Variants in SORCS3 observed in about 807,000 individuals in gnomAD.
SORCS3 encodes the protein sortilin related VPS10 domain containing receptor 3, also known as VPS10 domain-containing receptor SorCS3.
In SORCS3, 57 loss-of-function variants were observed where a neutral mutation model predicts 146.3. The ratio of observed to expected loss-of-function variants is 0.39; its 90% CI spans 0.31 to 0.49. SORCS3 has a LOEUF of 0.49. Among genes scored for constraint, SORCS3 ranks in the 20% least tolerant of loss-of-function variants. SORCS3 has a pLI of 0.92. For missense variants in SORCS3, 1,341 were observed against 1,575.5 expected, an observed-to-expected ratio of 0.85 and a Z score of 2.52; for synonymous variants, 653 against 618.5, an observed-to-expected ratio of 1.06 and a Z score of -0.83.
chr10:105,110,476 T>A (rs1173368392), intron 7 of SORCS3, among the ~76,000 whole-genome samples: 1 of 152,172 alleles, frequency 6.6e-6, no homozygotes, highest in Non-Finnish European at 1.5e-5. Flanking sequence ...GTTTAACTAT[T>A]GCTTATTTTT....
At chr10:104,926,143 G>A (rs147290149) in intron 3 of SORCS3, among the ~76,000 whole-genome samples, 1 of 152,314 alleles carries the variant, frequency 6.6e-6, no homozygotes, top group Non-Finnish European at 1.5e-5. Flanking sequence ...TGGAGAGGAT[G>A]CAGCTCCCAG....
chr10:105,256,013 C>T lies in SORCS3; in HGVS notation c.3337+212C>T, dbSNP rs547324864. On this transcript the variant is annotated intron_variant, in intron 24 of 26. Coordinates refer to ENST00000369701, the MANE Select transcript of SORCS3 (RefSeq NM_014978.3). ...AAGACTTTCTTAGGAGTAGCTTTGC[C>T]ATTGAATCCCTAGACGGTCTCGGAG... Among the ~76,000 whole-genome samples the T allele has an allele frequency of 2.6e-5, 4 of 152,290 alleles. No homozygotes were observed. The East Asian group carries it at 7.7e-4, about 29-fold the overall frequency.
At chr10:105,081,262 A>T (rs924373358) in intron 5 of SORCS3, among the ~76,000 whole-genome samples, 2 of 152,100 alleles carry the variant, frequency 1.3e-5, no homozygotes, top group Admixed American at 1.3e-4. Context: ...TTCCTGGGGA[A>T]GTTTTTGCCC....
intron 1 of SORCS3, among the ~76,000 whole-genome samples, chr10:104,783,777 G>C (rs1448911959): frequency 6.6e-6 from 1 of 152,128 alleles, no homozygotes; most frequent in African/African-American, 2.4e-5. Flanking sequence ...GAAGTTGGAG[G>C]CTCAAAGATG....
At chr10:104,649,286 G>A (rs1468481385) in intron 1 of SORCS3, among the ~76,000 whole-genome samples, 1 of 152,100 alleles carries the variant, frequency 6.6e-6, no homozygotes, top group African/African-American at 2.4e-5. Context: ...TGTGACATTG[G>A]GCAAGTTGTT....
In SORCS3 at chr10:105,071,978, TG is replaced by T. The variant is rs374955403; in HGVS notation, c.1029-17794del. On this transcript the variant is annotated intron_variant, in intron 5 of 26. Transcript: ENST00000369701. ...ATAGCCCTTGAAGATGCAAGGTTCC[TG>T]GGTCTCTTGGTGTAAAGACTGAGAA... 3.7e-4 allele frequency among the ~76,000 whole-genome samples: 56 copies of T among 152,332 alleles called. No homozygotes were observed. The South Asian group carries it at 9.3e-3, about 25-fold the overall frequency.
chr10:104,930,140 AT>A (rs2019192291), intron 3 of SORCS3, among the ~76,000 whole-genome samples: 1 of 152,190 alleles, frequency 6.6e-6, no homozygotes, highest in South Asian at 2.1e-4. Flanking sequence ...TAATAAAAAA[AT>A]CAACCAGAAA....
chr10:105,169,696 C>A (rs1482702002), intron 13 of SORCS3, among the ~76,000 whole-genome samples: 1 of 152,104 alleles, frequency 6.6e-6, no homozygotes, highest in East Asian at 1.9e-4. Flanking sequence ...GTAATTTTTT[C>A]TGCTAACAAA....
intron 4 of SORCS3, among the ~76,000 whole-genome samples, chr10:104,988,825 A>T (rs2054976950): frequency 6.6e-6 from 1 of 152,242 alleles, no homozygotes; most frequent in Non-Finnish European, 1.5e-5. Context: ...AAACTCAAGC[A>T]ATATGCAAAT....
chr10:104,686,681 A>G (rs2133270119), intron 1 of SORCS3, among the ~76,000 whole-genome samples: 1 of 151,870 alleles, frequency 6.6e-6, no homozygotes, highest in African/African-American at 2.4e-5. Flanking sequence ...TCCAGTACCC[A>G]TCCTTCCCTC....
rs1226859353 is a variant in SORCS3, at chr10:105,216,922, A to G, written c.2548-14A>G. ...GACCAAGTAAATTGACCCGTCTGCTATGCCATCTTGCAGGGTGATCTACAA... is the reference window on the plus strand; with the variant it reads ...GACCAAGTAAATTGACCCGTCTGCTGTGCCATCTTGCAGGGTGATCTACAA... On this transcript the variant is annotated splice_polypyrimidine_tract_variant and intron_variant, in intron 18 of 26. Coordinates refer to ENST00000369701, the MANE Select transcript of SORCS3 (RefSeq NM_014978.3). The G allele has an allele frequency of 1.9e-6, 3 of 1,614,016 alleles. No individual in the cohort carries two copies. The highest frequency in any genetic ancestry group is 2.2e-5 in the East Asian group (1 of 44,872).
intron 4 of SORCS3, among the ~76,000 whole-genome samples, chr10:104,978,714 T>A (rs2133651841): frequency 6.6e-6 from 1 of 152,310 alleles, no homozygotes; most frequent in African/African-American, 2.4e-5. Context: ...CAAATATAAG[T>A]TTTGTTTGTC....
intron 2 of SORCS3, among the ~76,000 whole-genome samples, chr10:104,876,272 A>G (rs2018570504): frequency 6.6e-6 from 1 of 152,136 alleles, no homozygotes; most frequent in Admixed American, 6.5e-5. Flanking sequence ...ATCAGGTGCT[A>G]ATTACTTGCC....
intron 13 of SORCS3, 114 bp from the exon 14 acceptor site, chr10:105,177,952 T>C: frequency 1.4e-6 from 1 of 721,834 alleles, no homozygotes; most frequent in South Asian, 1.7e-5. Flanking sequence ...CTATTGATAA[T>C]CCACACTGCC....
chr10:104,894,503 AC>A (rs1156465698), intron 2 of SORCS3, among the ~76,000 whole-genome samples: 3 of 152,158 alleles, frequency 2.0e-5, no homozygotes, highest in Admixed American at 2.0e-4. Context: ...CCACTCTGAA[AC>A]CTGGACTGAG....
chr10:105,131,128 A>G (rs1190482504), intron 7 of SORCS3, among the ~76,000 whole-genome samples: 1 of 152,178 alleles, frequency 6.6e-6, no homozygotes, highest in African/African-American at 2.4e-5. Context: ...TAAGATAAAT[A>G]TGATCTTTGA....
At chr10:104,809,409 C>T (rs1309841329) in intron 1 of SORCS3, among the ~76,000 whole-genome samples, 2 of 152,132 alleles carry the variant, frequency 1.3e-5, no homozygotes, top group Non-Finnish European at 2.9e-5. Context: ...GCAGGCTAGC[C>T]CAGGCTTGTT....
At chr10:105,136,991 A>T (rs767183828) in intron 7 of SORCS3, among the ~76,000 whole-genome samples, 1 of 152,106 alleles carries the variant, frequency 6.6e-6, no homozygotes, top group African/African-American at 2.4e-5. Flanking sequence ...ACATGGGAGG[A>T]TGAGTTCTCA....
rs112683746 is a variant in SORCS3 at position 105,105,615 on chromosome 10, G to A, written c.1212+100G>A. 42 of 824,822 alleles carry A rather than the reference G, an allele frequency of 5.1e-5. 1 individual carries two copies. Among genetic ancestry groups the A allele is most frequent in the African/African-American group, 4.0e-4 (24 of 59,794 alleles). The allele number at this position is 824,822 out of a possible 1,614,324, so 51.1% of individuals were successfully genotyped here. A position where few individuals can be genotyped will look rare whatever the true frequency, so the allele number is the denominator to read the frequency against. ...GGCTTTCCCAAGGTTGTGAAGATGTGGAGTTGAGACACTGTCCCTCCTTTG... is the reference window on the plus strand; with the variant it reads ...GGCTTTCCCAAGGTTGTGAAGATGTAGAGTTGAGACACTGTCCCTCCTTTG... On this transcript the variant is annotated intron_variant, in intron 7 of 26. Transcript: ENST00000369701.
Sources: gnomAD v4.1 joint callset for allele counts (sites outside exome capture counted in the v4.1 genomes callset) on GRCh38, gnomAD v4.1.1 for gene constraint, MANE v1.5 for transcripts, NCBI Gene and HGNC (gene_info 2026-07-23, HGNC 2026-07-21) for gene names.